Variants in TNNC2 observed in about 807,000 individuals in gnomAD.
The protein encoded by TNNC2 is troponin C2, fast skeletal type, also known as troponin C, skeletal muscle.
TNNC2 carries 14 observed loss-of-function variants against 20.0 expected under a neutral mutation model. The observed-to-expected ratio is 0.70, with a 90% CI of 0.46 to 1.09. TNNC2 has a LOEUF of 1.09. Among genes scored for constraint, TNNC2 ranks in the 50% least tolerant of loss-of-function variants. The probability of loss-of-function intolerance (pLI) is 0.00; values close to 1 mark genes in which losing one functional copy is unlikely to be tolerated. For missense variants in TNNC2, 163 were observed against 223.8 expected, an observed-to-expected ratio of 0.73 and a Z score of 1.73; for synonymous variants, 81 against 77.3, an observed-to-expected ratio of 1.05 and a Z score of -0.25.
chr20:45,826,187 C>CAACAAA (rs1982966142), intron 1 of TNNC2, among the ~76,000 whole-genome samples: 1 of 152,146 alleles, frequency 6.6e-6, no homozygotes, highest in Non-Finnish European at 1.5e-5. Flanking sequence ...AATAGTTGCT[C>CAACAAA]AATAAAATGT....
intron 2 of TNNC2, 66 bp from the exon 3 acceptor site, chr20:45,824,704 C>CCA: frequency 2.5e-6 from 4 of 1,578,684 alleles, no homozygotes; most frequent in Non-Finnish European, 3.4e-6. Context: ...CTACCCCCCC[C>CCA]CAACCCCCAC....
chr20:45,824,431 A>G, intron 3 of TNNC2, 25 bp from the exon 4 acceptor site: 2 of 1,611,116 alleles, frequency 1.2e-6, no homozygotes, highest in South Asian at 1.1e-5. Flanking sequence ...TGGCAGACTG[A>G]GCCTGAGCCC....
At chr20:45,828,736 C>T (rs1018057955), upstream of TNNC2, among the ~76,000 whole-genome samples, 1 of 152,024 alleles carries the variant, frequency 6.6e-6, no homozygotes, top group Non-Finnish European at 1.5e-5. Flanking sequence ...ACAGTGGCTA[C>T]GTGGACAGAA....
At chr20:45,826,008 C>CCA (rs1019924063) in intron 1 of TNNC2, among the ~76,000 whole-genome samples, 1 of 148,034 alleles carries the variant, frequency 6.8e-6, no homozygotes, top group Admixed American at 6.7e-5. Flanking sequence ...GTCGGGAACC[C>CCA]CCCCCACCCC....
At chr20:45,831,737 A>T (rs12480250), upstream of TNNC2, among the ~76,000 whole-genome samples, 4,535 of 152,328 alleles carry the variant, frequency 0.03, 188 homozygotes, top group Admixed American at 0.12. Context: ...CTGACTGTTT[A>T]TATGACCCAG....
chr20:45,824,668 G>C (rs1039205531), intron 2 of TNNC2, 30 bp from the exon 3 acceptor site: 18 of 1,606,654 alleles, frequency 1.1e-5, no homozygotes, highest in Non-Finnish European at 1.5e-5. Flanking sequence ...GCAGAGGTGA[G>C]GCCTGCTGGA....
Position 45,823,882 on chromosome 20 carries a change from C to CGCCCA in TNNC2, c.451+104_451+108dup. Reference sequence around the variant, plus strand: ...GACTATGGGGAACTTGGTGAAGTTACGCCCAGCCCAGCCCACAAGGCCAAG... The same window carrying CGCCCA: ...GACTATGGGGAACTTGGTGAAGTTACGCCCAGCCCAGCCCAGCCCACAAGGCCAAG... On this transcript the variant is annotated intron_variant, in intron 5 of 5. Transcript: ENST00000372555. The surrounding 1 kb of genome is among the most constrained non-coding windows in gnomAD (Gnocchi z 4.6). 1.3e-6 allele frequency: 2 copies of CGCCCA among 1,541,770 alleles called. No homozygotes were observed. The highest frequency in any genetic ancestry group is 1.8e-6 in the Non-Finnish European group (2 of 1,140,732).
chr20:45,827,183 T>C lies in TNNC2; in HGVS notation c.3+63A>G, dbSNP rs1046156515. On this transcript the variant is annotated intron_variant, in intron 1 of 5. Coordinates refer to ENST00000372555, the MANE Select transcript of TNNC2 (RefSeq NM_003279.3). ...TACTGCCCCACAGAGCACCCAGGCC[T>C]GGCCTGAAAGGGGTCCAGAGTGCTC... is the stretch of plus-strand genomic sequence containing the variant. 2.5e-5 allele frequency: 41 copies of C among 1,609,814 alleles called. No individual in the cohort carries two copies. In the East Asian group the frequency reaches 8.7e-4, roughly 34 times the overall value.
chr20:45,828,794 G>C (rs985630636), upstream of TNNC2, among the ~76,000 whole-genome samples: 1 of 152,116 alleles, frequency 6.6e-6, no homozygotes, highest in Admixed American at 6.5e-5. Flanking sequence ...GGAAAGGGGG[G>C]CTGGACACCA....
Position 45,823,310 on chromosome 20 carries a change from A to T in TNNC2, c.*38T>A. ...GGCAGGGCGGAGTCTCCCACACCCT[A>T]GGGACACGCGATCTTGGTAGAGGCG... On this transcript the variant is annotated 3_prime_UTR_variant, in exon 6 of 6. Transcript: ENST00000372555. The surrounding 1 kb of genome is among the most constrained non-coding windows in gnomAD (Gnocchi z 4.6). The T allele has an allele frequency of 6.4e-7, 1 of 1,563,472 alleles. No individual in the cohort carries two copies.
intron 1 of TNNC2, among the ~76,000 whole-genome samples, chr20:45,825,395 G>A (rs150812464): frequency 0.022 from 3,294 of 152,220 alleles, 52 homozygotes; most frequent in Middle Eastern, 0.037. Flanking sequence ...GGGTTCAAGC[G>A]ATTCTCCTCC....
chr20:45,830,890 A>T (rs1983092659), upstream of TNNC2, among the ~76,000 whole-genome samples: 1 of 152,196 alleles, frequency 6.6e-6, no homozygotes, highest in African/African-American at 2.4e-5. Flanking sequence ...TCACACTTTT[A>T]ATCCTAGCAC....
rs1368884280 is a variant in TNNC2, at chr20:45,824,331, C to A, written c.275G>T (p.Ser92Ile). 1 of 1,611,278 alleles carries A rather than the reference C, an allele frequency of 6.2e-7. No homozygotes were observed. The highest frequency in any genetic ancestry group is 8.5e-7 in the Non-Finnish European group (1 of 1,179,988). Residue 92 changes from serine to isoleucine, a missense_variant, in exon 4 of 6, where the codon AGC becomes ATC. Coordinates refer to ENST00000372555, the MANE Select transcript of TNNC2 (RefSeq NM_003279.3). Reference sequence around the variant, plus strand: ...GAAGCACTCGGCCAGCTCCTCCTCGCTCTTCCCTTTCGCGTCCTCTTTCAT... The same window carrying A: ...GAAGCACTCGGCCAGCTCCTCCTCGATCTTCCCTTTCGCGTCCTCTTTCAT... Reference protein sequence around the residue: ...RQMKEDAKGKSEEELAECFRI... With the variant: ...RQMKEDAKGKIEEELAECFRI...
At position 45,823,320 on chromosome 20, in the gene TNNC2, G is replaced by C. The variant is rs767179127; in HGVS notation, c.*28C>G. The C allele has an allele frequency of 6.4e-7, 1 of 1,571,382 alleles. No homozygotes were observed. Among genetic ancestry groups the C allele is most frequent in the Admixed American group, 1.9e-5 (1 of 52,884 alleles). On this transcript the variant is annotated 3_prime_UTR_variant, in exon 6 of 6. Transcript: ENST00000372555. The surrounding 1 kb of genome is among the most constrained non-coding windows in gnomAD (Gnocchi z 4.6). The stretch of plus-strand genomic sequence containing the variant: ...AGTCTCCCACACCCTAGGGACACGC[G>C]ATCTTGGTAGAGGCGACTGTCCACT...
upstream of TNNC2, among the ~76,000 whole-genome samples, chr20:45,831,604 CA>C (rs900484582): frequency 2.0e-5 from 3 of 148,592 alleles, no homozygotes; most frequent in Non-Finnish European, 4.5e-5. Flanking sequence ...GACTCTGTCT[CA>C]AAAAAAATAA....
upstream of TNNC2, among the ~76,000 whole-genome samples, chr20:45,830,803 A>C (rs1164842263): frequency 6.6e-6 from 1 of 152,182 alleles, no homozygotes; most frequent in African/African-American, 2.4e-5. Context: ...AGTATACCCA[A>C]ACAGGAGCTA....
At chr20:45,827,917 A>G (rs2145728570), upstream of TNNC2, among the ~76,000 whole-genome samples, 1 of 152,314 alleles carries the variant, frequency 6.6e-6, no homozygotes, top group South Asian at 2.1e-4. Flanking sequence ...GGAGAAAGTG[A>G]CAGGTAGGCC....
intron 1 of TNNC2, among the ~76,000 whole-genome samples, chr20:45,826,005 A>ACCCCCCCCCCCCCC (rs111300154): frequency 1.4e-5 from 2 of 144,114 alleles, no homozygotes; most frequent in African/African-American, 5.3e-5. Context: ...CAAGTCGGGA[A>ACCCCCCCCCCCCCC]CCCCCCCCAC....
chr20:45,823,905 A>G lies in TNNC2; in HGVS notation c.451+86T>C. Reference sequence around the variant, plus strand: ...TACGCCCAGCCCAGCCCACAAGGCCAAGGACACTGCACCGGAGCCAGGCAC... The same window carrying G: ...TACGCCCAGCCCAGCCCACAAGGCCGAGGACACTGCACCGGAGCCAGGCAC... On this transcript the variant is annotated intron_variant, in intron 5 of 5. Coordinates refer to ENST00000372555, the MANE Select transcript of TNNC2 (RefSeq NM_003279.3). The surrounding 1 kb of genome is among the most constrained non-coding windows in gnomAD (Gnocchi z 4.6). The G allele has an allele frequency of 6.3e-7, 1 of 1,592,800 alleles. No homozygotes were observed. The highest frequency in any genetic ancestry group is 1.7e-5 in the Admixed American group (1 of 58,892).
Sources: gnomAD v4.1 joint callset for allele counts (sites outside exome capture counted in the v4.1 genomes callset) on GRCh38, gnomAD v4.1.1 for gene constraint, Gnocchi (gnomAD v3.1) non-coding constraint, MANE v1.5 for transcripts, NCBI Gene and HGNC (gene_info 2026-07-23, HGNC 2026-07-21) for gene names.